The following TMEM63C variants were observed in gnomAD, a reference collection of about 807,000 sequenced individuals.
TMEM63C encodes the protein osmosensitive cation channel TMEM63C.
Under a neutral mutation model 99.2 loss-of-function variants are expected in TMEM63C, and 32 were observed. The observed-to-expected ratio is 0.32, with a 90% CI of 0.24 to 0.43. The LOEUF is 0.43. TMEM63C is among the 20% of genes least tolerant of loss of function. The probability of loss-of-function intolerance (pLI) is 1.00; values close to 1 mark genes in which losing one functional copy is unlikely to be tolerated. For missense variants in TMEM63C, 826 were observed against 1,053.0 expected, an observed-to-expected ratio of 0.78 and a Z score of 2.98; for synonymous variants, 376 against 397.9, an observed-to-expected ratio of 0.94 and a Z score of 0.66.
chr14:77,201,565 A>G (rs958959061), intron 1 of TMEM63C, among the ~76,000 whole-genome samples: 2 of 152,302 alleles, frequency 1.3e-5, no homozygotes, highest in Middle Eastern at 3.4e-3. Flanking sequence ...GCCCAGCGGC[A>G]TCAGCATCCT....
intron 6 of TMEM63C, 49 bp downstream of exon 6, chr14:77,225,510 G>A (rs751875438): frequency 1.2e-6 from 2 of 1,604,208 alleles, no homozygotes; most frequent in South Asian, 1.1e-5. Flanking sequence ...CTTGGGGGTG[G>A]GGGGTGGAGG....
chr14:77,201,156 C>T (rs1170081685), intron 1 of TMEM63C: 1 of 152,194 alleles, frequency 6.6e-6, no homozygotes, highest in African/African-American at 2.4e-5. Flanking sequence ...GGCACCTCCT[C>T]CAGGCAGCCT....
intron 1 of TMEM63C, among the ~76,000 whole-genome samples, chr14:77,196,563 T>G (rs1243166542): frequency 6.6e-6 from 1 of 152,110 alleles, no homozygotes; most frequent in Non-Finnish European, 1.5e-5. Context: ...CTCCTGGTGG[T>G]TCTTTGCCCA....
intron 21 of TMEM63C, 178 bp from the exon 22 acceptor site, chr14:77,251,611 T>G: frequency 1.7e-6 from 1 of 604,276 alleles, no homozygotes; most frequent in Non-Finnish European, 2.9e-6. Flanking sequence ...TGCCAAATTC[T>G]AACAGAGCAA....
chr14:77,231,492 G>A, intron 6 of TMEM63C, 96 bp from the exon 7 acceptor site: 1 of 1,395,544 alleles, frequency 7.2e-7, no homozygotes. Flanking sequence ...ACTTGGGGAG[G>A]GGGTGATCAT....
intron 1 of TMEM63C, among the ~76,000 whole-genome samples, chr14:77,199,999 CAGA>C (rs936685283): frequency 6.6e-6 from 1 of 152,214 alleles, no homozygotes; most frequent in African/African-American, 2.4e-5. Flanking sequence ...TTGTCGCAGA[CAGA>C]AGGAGGGATC....
chr14:77,218,941 G>T lies in TMEM63C; in HGVS notation c.128G>T (p.Cys43Phe). 1 of 1,602,178 alleles carries T rather than the reference G, an allele frequency of 6.2e-7. No homozygotes were observed. The highest frequency in any genetic ancestry group is 8.5e-7 in the Non-Finnish European group (1 of 1,174,470). The change falls in exon 3 of 24, where the codon TGC becomes TTC. Residue 43 changes from cysteine (C) to phenylalanine (F), a missense_variant. Transcript: ENST00000298351. ...TTTGGGGGTGTCCCCACCGTGCTGT[G>T]CCTCAACATCGCCCTGTGGGTGGTG... ...QPFGGVPTVL[C>F]LNIALWVLVL...
At chr14:77,233,590 C>T (rs17750404) in intron 8 of TMEM63C, 90 bp downstream of exon 8, 348,525 of 1,374,606 alleles carry the variant, frequency 0.25, 46,924 homozygotes, top group Admixed American at 0.31. Context: ...ACATGGGCAG[C>T]GTTTTGCTGA....
intron 13 of TMEM63C, among the ~76,000 whole-genome samples, chr14:77,241,100 G>A (rs144509713): frequency 0.018 from 2,752 of 152,068 alleles, 81 homozygotes; most frequent in African/African-American, 0.063. Context: ...ACAGGTGCCT[G>A]CCACCATGCC....
rs1889523888 is a variant in TMEM63C, at chr14:77,258,770, G to A, written c.*2044G>A. ...CTGGCCTGGGGTCTCTTCTTTGCTG[G>A]ACACAGCTCCCTGGCCCCTGCCCCC... On this transcript the variant is annotated 3_prime_UTR_variant, in exon 24 of 24. Coordinates refer to ENST00000298351, the MANE Select transcript of TMEM63C (RefSeq NM_020431.4). 6.6e-6 allele frequency: 1 copy of A among 152,642 alleles called. No individual in the cohort carries two copies. The highest frequency in any genetic ancestry group is 1.5e-5 in the Non-Finnish European group (1 of 68,396). The allele number at this position is 152,642 out of a possible 1,614,324, so 9.5% of individuals were successfully genotyped here.
chr14:77,229,089 C>G (rs1226054335), intron 6 of TMEM63C, among the ~76,000 whole-genome samples: 2 of 152,052 alleles, frequency 1.3e-5, no homozygotes, highest in Non-Finnish European at 2.9e-5. Context: ...CTATAATCAC[C>G]AAGTAAAATG....
rs993654150 is a variant in TMEM63C at position 77,189,697 on chromosome 14, A to C, written c.-77+7803A>C. On this transcript the variant is annotated intron_variant, in intron 1 of 23. Transcript: ENST00000298351. Reference sequence around the variant, plus strand: ...GAAAAGTAATCTGAGATGTCTATGGAAAGGTGCTGACATCTCCCTGGGGAG... The same window carrying C: ...GAAAAGTAATCTGAGATGTCTATGGCAAGGTGCTGACATCTCCCTGGGGAG... Among the ~76,000 whole-genome samples the C allele has an allele frequency of 2.0e-5, 3 of 152,226 alleles. No individual in the cohort carries two copies. In the East Asian group the frequency reaches 5.8e-4, roughly 29 times the overall value.
intron 18 of TMEM63C, among the ~76,000 whole-genome samples, chr14:77,247,837 T>G (rs1445916785): frequency 6.6e-6 from 1 of 152,222 alleles, no homozygotes; most frequent in Non-Finnish European, 1.5e-5. Flanking sequence ...ACTCCTGACC[T>G]CAGGTGATCT....
intron 1 of TMEM63C, among the ~76,000 whole-genome samples, chr14:77,198,584 G>A (rs2140095419): frequency 6.6e-6 from 1 of 152,348 alleles, no homozygotes; most frequent in East Asian, 1.9e-4. Flanking sequence ...GACCATCAAA[G>A]TTGTTCTCCA....
chr14:77,231,857 GTGAACT>G, intron 7 of TMEM63C, 127 bp downstream of exon 7: 2 of 1,120,516 alleles, frequency 1.8e-6, no homozygotes, highest in Non-Finnish European at 1.3e-6. Context: ...TTGTTGTTGT[GTGAACT>G]TGAACAAACC....
chr14:77,247,160 T>C (rs772290938), intron 18 of TMEM63C, among the ~76,000 whole-genome samples: 1 of 152,226 alleles, frequency 6.6e-6, no homozygotes, highest in Non-Finnish European at 1.5e-5. Flanking sequence ...TATCAAGATA[T>C]TTTAAAAATC....
chr14:77,220,506 CCT>C (rs1888671515), intron 5 of TMEM63C, among the ~76,000 whole-genome samples: 1 of 152,100 alleles, frequency 6.6e-6, no homozygotes, highest in African/African-American at 2.4e-5. Context: ...GCTTCCCAGC[CCT>C]GTTTAGTGGA....
intron 23 of TMEM63C, 118 bp from the exon 24 acceptor site, chr14:77,256,408 G>A: frequency 1.0e-6 from 1 of 969,362 alleles, no homozygotes; most frequent in Non-Finnish European, 1.6e-6. Context: ...GAAGAAGGCA[G>A]GCTCCAAGGT....
At chr14:77,214,756 G>A (rs563059526) in intron 2 of TMEM63C, among the ~76,000 whole-genome samples, 6 of 151,492 alleles carry the variant, frequency 4.0e-5, no homozygotes, top group East Asian at 3.9e-4. Flanking sequence ...ATACTCAGCC[G>A]CTCGCTCCCA....
Sources: gnomAD v4.1 joint callset for allele counts (sites outside exome capture counted in the v4.1 genomes callset) on GRCh38, gnomAD v4.1.1 for gene constraint, MANE v1.5 for transcripts, NCBI Gene and HGNC (gene_info 2026-07-23, HGNC 2026-07-21) for gene names.